NUDT19: variants seen among roughly 807,000 people sequenced by gnomAD.
NUDT19 encodes acyl-coenzyme A diphosphatase NUDT19.
Under a neutral mutation model 22.2 loss-of-function variants are expected in NUDT19, and 31 were observed. The ratio of observed to expected loss-of-function variants is 1.40; its 90% CI spans 1.05 to 1.89. NUDT19 has a LOEUF of 1.89. Ranked by LOEUF, NUDT19 falls within the 40% of genes most tolerant of loss-of-function variation. NUDT19 has a pLI of 0.00. For synonymous variants in NUDT19, 325 were observed against 230.8 expected, an observed-to-expected ratio of 1.41 and a Z score of -3.70; for missense variants, 752 against 514.2, an observed-to-expected ratio of 1.46 and a Z score of -4.47.
chr19:32,702,543 G>A (rs967458894), intron 1 of NUDT19, among the ~76,000 whole-genome samples: 8 of 152,190 alleles, frequency 5.3e-5, no homozygotes, highest in South Asian at 2.1e-4. Context: ...AGGAGGCAGC[G>A]GTAGCAGTGA....
chr19:32,693,018 T>A (rs1180987008), intron 1 of NUDT19, among the ~76,000 whole-genome samples: 1 of 128,262 alleles, frequency 7.8e-6, no homozygotes, highest in Non-Finnish European at 1.6e-5. Flanking sequence ...CTTAATATGA[T>A]CCAGTCTTCC....
At position 32,711,840 on chromosome 19, in the gene NUDT19, G is replaced by A; in HGVS notation, c.1011G>A (p.Lys337=). Residue 337 remains lysine (K), a synonymous_variant, in exon 3 of 3, where the codon AAG becomes AAA. Coordinates refer to ENST00000397061, the MANE Select transcript of NUDT19 (RefSeq NM_001105570.2). The part of the protein sequence containing the change: ...KKTEEIMKEG[K]QFHRIVTYHR... ...CTGAGGAAATCATGAAGGAAGGCAA[G>A]CAGTTTCACCGGATAGTGACATACC... is the stretch of plus-strand genomic sequence containing the variant. 6.2e-7 allele frequency: 1 copy of A among 1,613,760 alleles called. No individual in the cohort carries two copies.
chr19:32,693,666 G>A (rs564458801), intron 1 of NUDT19, among the ~76,000 whole-genome samples: 1 of 152,302 alleles, frequency 6.6e-6, no homozygotes, highest in South Asian at 2.1e-4. Flanking sequence ...TCTTTAGCTA[G>A]ACAGAGCACT....
chr19:32,711,488 A>G (rs570728996), intron 2 of NUDT19, among the ~76,000 whole-genome samples: 84 of 152,198 alleles, frequency 5.5e-4, no homozygotes, highest in Non-Finnish European at 9.3e-4. Flanking sequence ...AAACACAATA[A>G]AGAAATTGAG....
chr19:32,708,130 CAG>C (rs1267136669), intron 1 of NUDT19, among the ~76,000 whole-genome samples: 2 of 142,704 alleles, frequency 1.4e-5, no homozygotes, highest in African/African-American at 5.3e-5. Context: ...GCCTGGGCGA[CAG>C]AGAGTACTCG....
intron 1 of NUDT19, among the ~76,000 whole-genome samples, chr19:32,698,140 A>G (rs115185699): frequency 1.8e-3 from 276 of 152,310 alleles, no homozygotes; most frequent in African/African-American, 6.3e-3. Context: ...ATTCTCCTTC[A>G]ATGAAAAGAA....
intron 1 of NUDT19, among the ~76,000 whole-genome samples, chr19:32,697,030 G>A (rs1487340871): frequency 6.6e-6 from 1 of 152,124 alleles, no homozygotes; most frequent in Non-Finnish European, 1.5e-5. Context: ...ACATGGGCGA[G>A]GGGGCAGCTT....
chr19:32,709,743 C>T (rs952716899), intron 2 of NUDT19, among the ~76,000 whole-genome samples: 4 of 150,734 alleles, frequency 2.7e-5, no homozygotes, highest in African/African-American at 9.8e-5. Flanking sequence ...CTCCACCTCC[C>T]AGGTTCAAGC....
rs1257751979 is a variant in NUDT19, at chr19:32,709,274, A to C, written c.804A>C (p.Ala268=). Residue 268 remains alanine (A), a synonymous_variant, in exon 2 of 3, where the codon GCA becomes GCC. Transcript: ENST00000397061. Reference sequence around the variant, plus strand: ...AGTTCTACGAAGTGAGAAGACTTGCAAACTTTGCCTCTCTCTCTGACTTGC... The same window carrying C: ...AGTTCTACGAAGTGAGAAGACTTGCCAACTTTGCCTCTCTCTCTGACTTGC... The part of the protein sequence containing the change: ...PPQFYEVRRL[A]NFASLSDLHK... 1 of 1,614,060 alleles carries C rather than the reference A, an allele frequency of 6.2e-7. No individual in the cohort carries two copies. The highest frequency in any genetic ancestry group is 1.3e-5 in the African/African-American group (1 of 74,944).
In NUDT19 at chr19:32,711,749, C is replaced by G. The variant is rs1057118229; in HGVS notation, c.923-3C>G. On this transcript the variant is annotated splice_polypyrimidine_tract_variant and splice_region_variant and intron_variant, in intron 2 of 2. Transcript: ENST00000397061. ...AATAAAATCAGATTTTTTCCTTTTTCAGGTGATGAGCTATATTTAGAAGAT... is the reference window on the plus strand; with the variant it reads ...AATAAAATCAGATTTTTTCCTTTTTGAGGTGATGAGCTATATTTAGAAGAT... 6.5e-7 allele frequency: 1 copy of G among 1,544,734 alleles called. No individual in the cohort carries two copies. The highest frequency in any genetic ancestry group is 8.9e-7 in the Non-Finnish European group (1 of 1,129,148).
At chr19:32,696,733 A>G (rs575324621) in intron 1 of NUDT19, among the ~76,000 whole-genome samples, 1 of 152,324 alleles carries the variant, frequency 6.6e-6, no homozygotes, top group South Asian at 2.1e-4. Context: ...TGGGAGAAAT[A>G]CCTGGTTACA....
intron 1 of NUDT19, 72 bp from the exon 2 acceptor site, chr19:32,709,113 T>C (rs2145367936): frequency 1.0e-6 from 1 of 974,354 alleles, no homozygotes; most frequent in East Asian, 2.4e-5. Flanking sequence ...CCTTAGGTAC[T>C]GGTCTGACTG....
At chr19:32,693,550 A>G (rs1010020123) in intron 1 of NUDT19, among the ~76,000 whole-genome samples, 1 of 152,068 alleles carries the variant, frequency 6.6e-6, no homozygotes, top group African/African-American at 2.4e-5. Context: ...CTGGGTGGCC[A>G]GCTTTTATTC....
rs141229402 is a variant in NUDT19 at position 32,699,550 on chromosome 19, G to A, written c.714+6876G>A. ...GGGGTTGTTAGCCCTTTCCCAGAAA[G>A]CCTGACACCCGTGTCTTTAGTTCAG... is the stretch of plus-strand genomic sequence containing the variant. On this transcript the variant is annotated intron_variant, in intron 1 of 2. Coordinates refer to ENST00000397061, the MANE Select transcript of NUDT19 (RefSeq NM_001105570.2). Among the ~76,000 whole-genome samples the A allele has an allele frequency of 7.4e-3, 1,126 of 152,332 alleles. 19 individuals carry two copies. Among genetic ancestry groups the A allele is most frequent in the African/African-American group, 0.026 (1,067 of 41,564 alleles).
chr19:32,708,074 G>A (rs1435172084), intron 1 of NUDT19, among the ~76,000 whole-genome samples: 1 of 151,456 alleles, frequency 6.6e-6, no homozygotes, highest in Non-Finnish European at 1.5e-5. Context: ...GCTTGAACCC[G>A]GGAAGTAGAG....
chr19:32,710,942 G>C (rs948770450), intron 2 of NUDT19, among the ~76,000 whole-genome samples: 2 of 151,812 alleles, frequency 1.3e-5, no homozygotes, highest in Non-Finnish European at 2.9e-5. Context: ...AAATTTAGCA[G>C]TTTTGATGGA....
chr19:32,697,340 G>T (rs1968276028), intron 1 of NUDT19, among the ~76,000 whole-genome samples: 1 of 152,100 alleles, frequency 6.6e-6, no homozygotes, highest in African/African-American at 2.4e-5. Context: ...AGATGATTGG[G>T]TAATAAACTT....
Position 32,692,572 on chromosome 19 carries a change from C to A in NUDT19, c.612C>A (p.Phe204Leu). 6.3e-7 allele frequency: 1 copy of A among 1,596,088 alleles called. No homozygotes were observed. The highest frequency in any genetic ancestry group is 8.5e-7 in the Non-Finnish European group (1 of 1,173,482). ...LHNWSAWLTP[F>L]LRGTTRRFDT... ...ACTGGAGCGCCTGGCTCACCCCTTT[C>A]TTGCGGGGCACCACTCGCCGCTTTG... The change falls in exon 1 of 3, where the codon TTC becomes TTA. Residue 204 changes from phenylalanine to leucine, a missense_variant. By Grantham distance (22) the Phe-to-Leu change is conservative. Coordinates refer to ENST00000397061, the MANE Select transcript of NUDT19 (RefSeq NM_001105570.2).
chr19:32,704,265 C>CT (rs35045603), intron 1 of NUDT19, among the ~76,000 whole-genome samples: 217 of 140,882 alleles, frequency 1.5e-3, no homozygotes, highest in Admixed American at 2.7e-3. Flanking sequence ...TTGCAGGTAA[C>CT]TTTTTTTTTT....
Sources: gnomAD v4.1 joint callset for allele counts (sites outside exome capture counted in the v4.1 genomes callset) on GRCh38, gnomAD v4.1.1 for gene constraint, MANE v1.5 for transcripts, NCBI Gene and HGNC (gene_info 2026-07-23, HGNC 2026-07-21) for gene names.